CNTN6: variants seen among roughly 807,000 people sequenced by gnomAD.
CNTN6 encodes contactin 6, also known as contactin-6.
In CNTN6, 137 loss-of-function variants were observed where a neutral mutation model predicts 122.8. The observed-to-expected ratio is 1.12, with a 90% CI of 0.97 to 1.29. CNTN6 has a LOEUF of 1.29. Among genes scored for constraint, CNTN6 ranks in the 50% most tolerant of loss-of-function variants. CNTN6 has a pLI of 0.00. For missense variants in CNTN6, 1,634 were observed against 1,223.4 expected (o/e 1.34, Z -5.01); for synonymous variants, 570 against 426.0 (o/e 1.34, Z -4.16).
intron 22 of CNTN6, among the ~76,000 whole-genome samples, chr3:1,403,040 T>C (rs56408876): frequency 0.1 from 15,855 of 152,170 alleles, 1,080 homozygotes; most frequent in Non-Finnish European, 0.16. Flanking sequence ...GAAGCTGTGA[T>C]TGAGTGCAAG....
intron 19 of CNTN6, among the ~76,000 whole-genome samples, chr3:1,384,411 A>AC (rs1692430999): frequency 7.0e-6 from 1 of 142,114 alleles, no homozygotes; most frequent in African/African-American, 3.1e-5. Flanking sequence ...ATCATCTCAG[A>AC]AAAGGCAGTT....
chr3:1,124,225 G>C (rs55692314), intron 1 of CNTN6, among the ~76,000 whole-genome samples: 63,044 of 151,612 alleles, frequency 0.42, 13,414 homozygotes, highest in East Asian at 0.49. Flanking sequence ...GCGTTCCTTT[G>C]TCTCACAACA....
intron 1 of CNTN6, among the ~76,000 whole-genome samples, chr3:1,117,546 G>A (rs1403867894): frequency 6.6e-6 from 1 of 152,122 alleles, no homozygotes; most frequent in Non-Finnish European, 1.5e-5. Context: ...ATTTCTATAT[G>A]TGAAAATTGG....
chr3:1,135,864 C>T (rs1288032704), intron 1 of CNTN6, among the ~76,000 whole-genome samples: 5 of 151,982 alleles, frequency 3.3e-5, no homozygotes, highest in East Asian at 1.9e-4. Flanking sequence ...CGGTGGTGAG[C>T]GCCTGTAATC....
At chr3:1,252,624 A>G (rs1372603479) in intron 4 of CNTN6, among the ~76,000 whole-genome samples, 1 of 152,224 alleles carries the variant, frequency 6.6e-6, no homozygotes, top group Non-Finnish European at 1.5e-5. Context: ...AATACGGAGA[A>G]CAATTAAGAT....
At chr3:1,295,578 T>G in intron 5 of CNTN6, 23 bp from the exon 6 acceptor site, 1 of 1,597,604 alleles carries the variant, frequency 6.3e-7, no homozygotes. Context: ...TTGTTTTGTT[T>G]TGTTTTGTTT....
At chr3:1,229,488 T>TATC (rs1452382007) in intron 4 of CNTN6, among the ~76,000 whole-genome samples, 1 of 152,174 alleles carries the variant, frequency 6.6e-6, no homozygotes, top group Non-Finnish European at 1.5e-5. Flanking sequence ...GTTATGATTC[T>TATC]ATCTACTCTC....
intron 4 of CNTN6, among the ~76,000 whole-genome samples, chr3:1,265,187 G>A (rs1478956310): frequency 5.9e-5 from 9 of 151,380 alleles, no homozygotes; most frequent in African/African-American, 2.2e-4. Flanking sequence ...TATCTCTTTG[G>A]CATACTGATT....
chr3:1,199,156 C>T (rs2093823227), intron 2 of CNTN6, among the ~76,000 whole-genome samples: 2 of 150,614 alleles, frequency 1.3e-5, no homozygotes, highest in African/African-American at 4.9e-5. Context: ...GACTCCTGAA[C>T]CATGAGAGAC....
intron 1 of CNTN6, among the ~76,000 whole-genome samples, chr3:1,098,787 C>CAT (rs1241583874): frequency 0.071 from 3,877 of 54,282 alleles, 61 homozygotes; most frequent in African/African-American, 0.1. Context: ...CACACACACA[C>CAT]ACATATATAT....
intron 2 of CNTN6, among the ~76,000 whole-genome samples, chr3:1,187,606 T>C (rs1339677707): frequency 1.3e-5 from 2 of 152,080 alleles, no homozygotes; most frequent in East Asian, 3.9e-4. Context: ...GAGGCTGGGG[T>C]GGTCTGAAGT....
At chr3:1,158,824 A>ACACACATATATGTGTGTGTATATATATG (rs2093041954) in intron 2 of CNTN6, among the ~76,000 whole-genome samples, 1 of 76,204 alleles carries the variant, frequency 1.3e-5, no homozygotes, top group African/African-American at 5.8e-5. Context: ...ATACACACAC[A>ACACACATATATGTGTGTGTATATATATG]TATATATACA....
chr3:1,388,054 C>T (rs1247530486), intron 20 of CNTN6, among the ~76,000 whole-genome samples: 1 of 148,076 alleles, frequency 6.8e-6, no homozygotes, highest in Non-Finnish European at 1.5e-5. Context: ...CTGGGTGGAG[C>T]CCACCACAGC....
intron 1 of CNTN6, among the ~76,000 whole-genome samples, chr3:1,114,781 A>G (rs2091640548): frequency 6.6e-6 from 1 of 152,184 alleles, no homozygotes; most frequent in South Asian, 2.1e-4. Context: ...AATAATGAAT[A>G]GAACAAGAAA....
At chr3:1,165,318 C>T (rs999250551) in intron 2 of CNTN6, among the ~76,000 whole-genome samples, 18 of 152,124 alleles carry the variant, frequency 1.2e-4, no homozygotes, top group Non-Finnish European at 2.5e-4. Flanking sequence ...CTATTATCAG[C>T]CCCACTCTTC....
chr3:1,231,853 A>C (rs1388206935), intron 4 of CNTN6, among the ~76,000 whole-genome samples: 1 of 152,184 alleles, frequency 6.6e-6, no homozygotes, highest in East Asian at 1.9e-4. Context: ...TAGTCACCAA[A>C]GGCTTCTGTT....
At chr3:1,387,652 C>G (rs9831132) in intron 20 of CNTN6, among the ~76,000 whole-genome samples, 35,373 of 152,066 alleles carry the variant, frequency 0.23, 4,284 homozygotes, top group African/African-American at 0.28. Context: ...CTGAGGTACC[C>G]GGTTCATCTC....
At chr3:1,241,905 G>T (rs1225417688) in intron 4 of CNTN6, among the ~76,000 whole-genome samples, 4 of 152,202 alleles carry the variant, frequency 2.6e-5, no homozygotes, top group African/African-American at 7.2e-5. Context: ...GCAGACATGA[G>T]GGCTAGGCTA....
At chr3:1,363,267 G>A (rs776676341) in intron 12 of CNTN6, among the ~76,000 whole-genome samples, 11 of 151,892 alleles carry the variant, frequency 7.2e-5, no homozygotes, top group Non-Finnish European at 1.2e-4. Context: ...TAAACTCTTG[G>A]AAAGTTCTCA....
Sources: allele counts gnomAD v4.1 joint callset (sites outside exome capture counted in the v4.1 genomes callset), GRCh38; gene constraint gnomAD v4.1.1; transcripts MANE v1.5; gene names NCBI Gene and HGNC (gene_info 2026-07-23, HGNC 2026-07-21).